The following ADAM12 variants were observed in gnomAD, a reference collection of about 807,000 sequenced individuals.
ADAM12 encodes the protein disintegrin and metalloproteinase domain-containing protein 12.
A neutral mutation model predicts 106.4 loss-of-function variants in ADAM12; 70 were observed. The observed-to-expected ratio is 0.66, with a 90% CI of 0.54 to 0.80. The LOEUF (loss-of-function observed/expected upper bound fraction) is 0.80. Ranked by LOEUF, ADAM12 falls within the 30% of genes least tolerant of loss-of-function variation. The pLI is 0.00. For missense variants in ADAM12, 1,010 were observed against 1,171.9 expected, an observed-to-expected ratio of 0.86 and a Z score of 2.02; for synonymous variants, 420 against 433.5, an observed-to-expected ratio of 0.97 and a Z score of 0.39.
chr10:126,090,261 C>T (rs977908130), intron 11 of ADAM12, among the ~76,000 whole-genome samples: 8 of 150,484 alleles, frequency 5.3e-5, no homozygotes, highest in African/African-American at 2.0e-4. Flanking sequence ...ACCTACCCCA[C>T]CCGAGGAGAT....
chr10:126,283,228 T>G (rs1959674958), intron 2 of ADAM12, among the ~76,000 whole-genome samples: 1 of 152,110 alleles, frequency 6.6e-6, no homozygotes, highest in Non-Finnish European at 1.5e-5. Context: ...AATACAGATG[T>G]AGCTTCTCAG....
intron 2 of ADAM12, among the ~76,000 whole-genome samples, chr10:126,309,864 G>T (rs1034274569): frequency 1.3e-5 from 2 of 152,080 alleles, no homozygotes; most frequent in Admixed American, 6.6e-5. Flanking sequence ...TAACAGAAGC[G>T]ACAGATGAAA....
intron 1 of ADAM12, among the ~76,000 whole-genome samples, chr10:126,340,508 C>G (rs1214604876): frequency 6.6e-6 from 1 of 152,222 alleles, no homozygotes; most frequent in African/African-American, 2.4e-5. Context: ...CTGACCTATA[C>G]AGCCAAATTA....
At chr10:126,051,532 G>C (rs1162941751) in intron 14 of ADAM12, among the ~76,000 whole-genome samples, 12 of 98,932 alleles carry the variant, frequency 1.2e-4, no homozygotes, top group Non-Finnish European at 1.9e-4. Flanking sequence ...CAGCCAGCCA[G>C]CCACCCATCC....
At chr10:126,379,372 T>C (rs372594167) in intron 1 of ADAM12, among the ~76,000 whole-genome samples, 1 of 152,118 alleles carries the variant, frequency 6.6e-6, no homozygotes, top group Non-Finnish European at 1.5e-5. Flanking sequence ...TGAAAAAGGA[T>C]GAGTTCATGT....
At chr10:126,034,475 C>G (rs1193376982) in intron 21 of ADAM12, among the ~76,000 whole-genome samples, 1 of 152,072 alleles carries the variant, frequency 6.6e-6, no homozygotes, top group East Asian at 1.9e-4. Flanking sequence ...ATATGGAATA[C>G]TAATCTACAG....
At chr10:126,069,594 C>T (rs1264740312) in intron 12 of ADAM12, among the ~76,000 whole-genome samples, 1 of 152,162 alleles carries the variant, frequency 6.6e-6, no homozygotes, top group Non-Finnish European at 1.5e-5. Flanking sequence ...GAGTGGCTGA[C>T]ACATTTTAGG....
At chr10:126,327,180 G>A (rs1267922270) in intron 2 of ADAM12, among the ~76,000 whole-genome samples, 1 of 152,200 alleles carries the variant, frequency 6.6e-6, no homozygotes, top group African/African-American at 2.4e-5. Context: ...GGGTCACAGA[G>A]CGACGTGCCT....
intron 1 of ADAM12, among the ~76,000 whole-genome samples, chr10:126,357,329 GA>G (rs377087060): frequency 2.3e-4 from 34 of 150,734 alleles, no homozygotes; most frequent in East Asian, 7.8e-4. Flanking sequence ...GAGGGAGGGG[GA>G]AAAAAAAACT....
intron 3 of ADAM12, among the ~76,000 whole-genome samples, chr10:126,172,947 G>A (rs180673116): frequency 6.6e-6 from 1 of 152,212 alleles, no homozygotes; most frequent in East Asian, 1.9e-4. Flanking sequence ...TTGAGCTCAT[G>A]TCCTTTGTGG....
In ADAM12 at chr10:126,054,707, C is replaced by A. The variant is rs1010512151; in HGVS notation, c.1610-5038G>T. On this transcript the variant is annotated intron_variant, in intron 14 of 22. Coordinates refer to ENST00000448723, the MANE Select transcript of ADAM12 (RefSeq NM_001288973.2). ...ACAAGCTCTCGAGGTTCTGTCCCCT[C>A]ATCTGTAAAATGGGGACAAGGACCT... 4.3e-4 allele frequency among the ~76,000 whole-genome samples: 65 copies of A among 152,190 alleles called. 1 individual carries two copies. Among genetic ancestry groups the A allele is most frequent in the Admixed American group, 4.2e-3 (64 of 15,284 alleles).
intron 2 of ADAM12, among the ~76,000 whole-genome samples, chr10:126,293,563 G>C (rs1960244863): frequency 6.6e-6 from 1 of 152,126 alleles, no homozygotes; most frequent in African/African-American, 2.4e-5. Context: ...TCTTCACCCA[G>C]ACTGGAGTGC....
At chr10:126,216,368 G>T (rs951330152) in intron 3 of ADAM12, among the ~76,000 whole-genome samples, 2 of 152,200 alleles carry the variant, frequency 1.3e-5, no homozygotes, top group Non-Finnish European at 2.9e-5. Context: ...TTCCCATAAA[G>T]ATTAAAAAGC....
chr10:126,041,735 G>A lies in ADAM12; in HGVS notation c.2104+1305C>T, dbSNP rs10842. 3.9e-3 allele frequency: 4,021 copies of A among 1,034,822 alleles called. 106 individuals carry two copies. The African/African-American group carries it at 0.063, about 16-fold the overall frequency. The allele number at this position is 1,034,822 out of a possible 1,614,324, so 64.1% of individuals were successfully genotyped here. ...TCATCAGGGCTGCCAAGGCTGAGGT[G>A]TCACTGGGGAAAGGGGACACTGGGC... On this transcript the variant is annotated intron_variant, in intron 18 of 22. Coordinates refer to ENST00000448723, the MANE Select transcript of ADAM12 (RefSeq NM_001288973.2).
At chr10:126,381,082 A>T (rs1372316560) in intron 1 of ADAM12, among the ~76,000 whole-genome samples, 1 of 152,190 alleles carries the variant, frequency 6.6e-6, no homozygotes, top group Non-Finnish European at 1.5e-5. Context: ...CAGCTGCAAC[A>T]TTTATCTAAT....
intron 3 of ADAM12, among the ~76,000 whole-genome samples, chr10:126,258,646 C>G (rs1363412602): frequency 6.6e-6 from 1 of 152,154 alleles, no homozygotes; most frequent in Non-Finnish European, 1.5e-5. Flanking sequence ...CAGCCCATGC[C>G]CTGGCATTCG....
Position 126,286,555 on chromosome 10 carries a change from G to A in ADAM12, c.187-7567C>T, listed in dbSNP as rs547401097. Among the ~76,000 whole-genome samples the A allele has an allele frequency of 5.3e-5, 8 of 152,274 alleles. No individual in the cohort carries two copies. In the East Asian group the frequency reaches 7.7e-4, roughly 15 times the overall value. Reference sequence around the variant, plus strand: ...TTCAGGCTGCAGCCTTGGCATTCACGGGGCACGAGGGAGTCATTTATTGCT... The same window carrying A: ...TTCAGGCTGCAGCCTTGGCATTCACAGGGCACGAGGGAGTCATTTATTGCT... On this transcript the variant is annotated intron_variant, in intron 2 of 22. Coordinates refer to ENST00000448723, the MANE Select transcript of ADAM12 (RefSeq NM_001288973.2).
intron 21 of ADAM12, among the ~76,000 whole-genome samples, chr10:126,030,909 G>A (rs2133389088): frequency 6.6e-6 from 1 of 152,306 alleles, no homozygotes; most frequent in Admixed American, 6.5e-5. Flanking sequence ...TGTGACAACT[G>A]ATTTTTTACT....
intron 11 of ADAM12, among the ~76,000 whole-genome samples, chr10:126,086,680 A>AAAAATATATATATATATATATAT (rs1554966976): frequency 4.1e-5 from 1 of 24,270 alleles, no homozygotes. Flanking sequence ...AAAAAAAAAA[A>AAAAATATATATATATATATATAT]ATATATATAT....
Sources: allele counts gnomAD v4.1 joint callset (sites outside exome capture counted in the v4.1 genomes callset), GRCh38; gene constraint gnomAD v4.1.1; transcripts MANE v1.5; gene names NCBI Gene and HGNC (gene_info 2026-07-23, HGNC 2026-07-21).